The following MAP2K6 variants were observed in gnomAD, a reference collection of about 807,000 sequenced individuals.
MAP2K6 encodes mitogen-activated protein kinase kinase 6, also known as dual specificity mitogen-activated protein kinase kinase 6.
MAP2K6 carries 16 observed loss-of-function variants against 53.7 expected under a neutral mutation model. That is an observed-to-expected ratio of 0.30 (90% CI 0.20 to 0.45). The LOEUF (loss-of-function observed/expected upper bound fraction) is 0.45. MAP2K6 is among the 20% of genes least tolerant of loss of function. The pLI is 1.00. For synonymous variants in MAP2K6, 132 were observed against 143.1 expected, an observed-to-expected ratio of 0.92 and a Z score of 0.55; for missense variants, 204 against 411.9, an observed-to-expected ratio of 0.50 and a Z score of 4.37.
intron 1 of MAP2K6, among the ~76,000 whole-genome samples, chr17:69,476,876 A>G (rs1404788933): frequency 6.6e-6 from 1 of 152,192 alleles, no homozygotes; most frequent in Non-Finnish European, 1.5e-5. Flanking sequence ...CACAATACCG[A>G]GCCCACATAC....
At chr17:69,429,126 A>G (rs1339275293) in intron 1 of MAP2K6, among the ~76,000 whole-genome samples, 1 of 151,982 alleles carries the variant, frequency 6.6e-6, no homozygotes, top group African/African-American at 2.4e-5. Flanking sequence ...TCCTAGTCCT[A>G]CTGGGACAAA....
intron 1 of MAP2K6, among the ~76,000 whole-genome samples, chr17:69,440,037 C>G (rs1906766508): frequency 6.6e-6 from 1 of 152,114 alleles, no homozygotes; most frequent in Non-Finnish European, 1.5e-5. Context: ...TGAATAGAGA[C>G]TTGAACCCTC....
intron 1 of MAP2K6, among the ~76,000 whole-genome samples, chr17:69,476,364 C>A (rs1401530018): frequency 6.6e-6 from 1 of 152,088 alleles, no homozygotes; most frequent in Non-Finnish European, 1.5e-5. Context: ...AGGGCCGGGG[C>A]GTGAATCAAG....
In MAP2K6 at chr17:69,552,183, C is replaced by T. The variant is rs997811371; in HGVS notation, c.*10430C>T. ...AAACCATGTTTATTGCAAAGAGAGC[C>T]TTTGGGCAAGTGGAAAATGCCCTGA... On this transcript the variant is annotated 3_prime_UTR_variant, in exon 12 of 12. Coordinates refer to ENST00000590474, the MANE Select transcript of MAP2K6 (RefSeq NM_002758.4). 6.6e-6 allele frequency: 1 copy of T among 152,190 alleles called. No individual in the cohort carries two copies. The highest frequency in any genetic ancestry group is 2.4e-5 in the African/African-American group (1 of 41,448). The allele number at this position is 152,190 out of a possible 1,614,324, so 9.4% of individuals were successfully genotyped here.
chr17:69,416,990 A>T (rs185614874), intron 1 of MAP2K6, among the ~76,000 whole-genome samples: 2 of 152,340 alleles, frequency 1.3e-5, no homozygotes. Flanking sequence ...TTCCCTATGG[A>T]TGTGTTTACA....
intron 10 of MAP2K6, among the ~76,000 whole-genome samples, chr17:69,531,635 G>A (rs1466700100): frequency 6.6e-6 from 1 of 152,152 alleles, no homozygotes; most frequent in Non-Finnish European, 1.5e-5. Context: ...TCTGACAAAT[G>A]TTATCTTGAA....
At position 69,547,944 on chromosome 17, in the gene MAP2K6, G is replaced by A. The variant is rs1039286036; in HGVS notation, c.*6191G>A. On this transcript the variant is annotated 3_prime_UTR_variant, in exon 12 of 12. Coordinates refer to ENST00000590474, the MANE Select transcript of MAP2K6 (RefSeq NM_002758.4). Reference sequence around the variant, plus strand: ...CTCTCTATTCCCTGACTTGTACTGAGATTGGGGAATTTGGGAGGTCAGACT... The same window carrying A: ...CTCTCTATTCCCTGACTTGTACTGAAATTGGGGAATTTGGGAGGTCAGACT... The A allele has an allele frequency of 1.3e-5, 2 of 152,168 alleles. No individual in the cohort carries two copies. The highest frequency in any genetic ancestry group is 4.8e-5 in the African/African-American group (2 of 41,454). 9.4% of individuals were successfully genotyped at this position (152,168 alleles called of 1,614,324 possible). A position where few individuals can be genotyped will look rare whatever the true frequency, so the allele number is the denominator to read the frequency against.
At chr17:69,533,430 A>AT (rs1029474533) in intron 10 of MAP2K6, among the ~76,000 whole-genome samples, 3 of 152,192 alleles carry the variant, frequency 2.0e-5, no homozygotes, top group Admixed American at 6.5e-5. Context: ...AAATCAGCAC[A>AT]TTTTTACATT....
chr17:69,443,226 C>T (rs1056170837), intron 1 of MAP2K6, among the ~76,000 whole-genome samples: 1 of 152,186 alleles, frequency 6.6e-6, no homozygotes, highest in Admixed American at 6.5e-5. Context: ...ATGCATTTGT[C>T]AGGCCTCAGC....
intron 10 of MAP2K6, among the ~76,000 whole-genome samples, chr17:69,528,416 G>A (rs1910895994): frequency 6.6e-6 from 1 of 152,182 alleles, no homozygotes; most frequent in African/African-American, 2.4e-5. Context: ...TTGAGGGAGT[G>A]TGCTGGATGT....
chr17:69,445,852 C>G (rs1488163817), intron 1 of MAP2K6, among the ~76,000 whole-genome samples: 1 of 152,178 alleles, frequency 6.6e-6, no homozygotes, highest in Non-Finnish European at 1.5e-5. Context: ...TGGTGCATTT[C>G]TCTAATCTGG....
At chr17:69,497,098 A>T (rs997098539) in intron 1 of MAP2K6, among the ~76,000 whole-genome samples, 1 of 152,180 alleles carries the variant, frequency 6.6e-6, no homozygotes, top group Non-Finnish European at 1.5e-5. Context: ...CAAGCAGCTT[A>T]TTTGTGAGCC....
At chr17:69,490,438 TTC>T (rs1908696786) in intron 1 of MAP2K6, among the ~76,000 whole-genome samples, 1 of 152,210 alleles carries the variant, frequency 6.6e-6, no homozygotes, top group Admixed American at 6.5e-5. Context: ...CACAAGATGC[TTC>T]TGAAGGCCAA....
chr17:69,446,082 A>G (rs971024680), intron 1 of MAP2K6, among the ~76,000 whole-genome samples: 1 of 152,220 alleles, frequency 6.6e-6, no homozygotes, highest in Non-Finnish European at 1.5e-5. Context: ...TTACCCTGCA[A>G]TAAAGGTATT....
At chr17:69,449,902 C>T (rs563565387) in intron 1 of MAP2K6, among the ~76,000 whole-genome samples, 19 of 151,270 alleles carry the variant, frequency 1.3e-4, no homozygotes, top group Middle Eastern at 3.4e-3. Context: ...CGTGAGCCAC[C>T]GCGCCCGGCC....
chr17:69,508,207 A>T (rs1476752324), intron 2 of MAP2K6, among the ~76,000 whole-genome samples: 2 of 150,472 alleles, frequency 1.3e-5, no homozygotes, highest in African/African-American at 4.9e-5. Flanking sequence ...GCCTGCCACC[A>T]TGCCCAGCTG....
intron 2 of MAP2K6, among the ~76,000 whole-genome samples, chr17:69,512,506 A>T (rs1909905325): frequency 6.6e-6 from 1 of 151,084 alleles, no homozygotes. Flanking sequence ...TGCCCAGCTA[A>T]GTTTGTATTT....
intron 1 of MAP2K6, chr17:69,502,280 C>G (rs753234230): frequency 7.0e-5 from 69 of 985,202 alleles, no homozygotes; most frequent in Non-Finnish European, 7.5e-5. Flanking sequence ...TTCTCCTTGC[C>G]GAAGTGTGGT....
chr17:69,449,855 C>T lies in MAP2K6; in HGVS notation c.16+34855C>T, dbSNP rs1442253750. Among the ~76,000 whole-genome samples the T allele has an allele frequency of 3.3e-5, 5 of 151,396 alleles. No individual in the cohort carries two copies. In the East Asian group the frequency reaches 5.9e-4, roughly 18 times the overall value. ...GTCTCGATCTCCTGACCTCGTGATC[C>T]GCCCGCCTCGGCTTCCCAAAGTGCT... On this transcript the variant is annotated intron_variant, in intron 1 of 11. Coordinates refer to ENST00000590474, the MANE Select transcript of MAP2K6 (RefSeq NM_002758.4).
Sources: gnomAD v4.1 joint callset for allele counts (sites outside exome capture counted in the v4.1 genomes callset) on GRCh38, gnomAD v4.1.1 for gene constraint, MANE v1.5 for transcripts, NCBI Gene and HGNC (gene_info 2026-07-23, HGNC 2026-07-21) for gene names.